Variants in LAMA2 observed in about 807,000 individuals in gnomAD.
LAMA2 encodes laminin subunit alpha 2.
In LAMA2, 269 loss-of-function variants were observed where a neutral mutation model predicts 364.8. That is an observed-to-expected ratio of 0.74 (90% CI 0.67 to 0.82). The LOEUF is 0.82. Among genes scored for constraint, LAMA2 ranks in the 40% least tolerant of loss-of-function variants. LAMA2 has a pLI of 0.00. For missense variants in LAMA2, 3,807 were observed against 3,873.2 expected (o/e 0.98, Z 0.45); for synonymous variants, 1,379 against 1,370.6 (o/e 1.01, Z -0.14).
At chr6:129,041,258 C>G (rs78449153) in intron 1 of LAMA2, among the ~76,000 whole-genome samples, 1,557 of 152,300 alleles carry the variant, frequency 0.01, 10 homozygotes, top group Non-Finnish European at 0.016. Flanking sequence ...TTCTCATTGA[C>G]TTGTGTAGTG....
At chr6:129,283,243 A>G (rs1368960074) in intron 18 of LAMA2, among the ~76,000 whole-genome samples, 11 of 152,162 alleles carry the variant, frequency 7.2e-5, no homozygotes, top group African/African-American at 2.4e-4. Context: ...TAACAAAGAG[A>G]CAGAATCTTG....
chr6:129,065,473 T>C (rs1185721107), intron 3 of LAMA2, among the ~76,000 whole-genome samples: 1 of 152,160 alleles, frequency 6.6e-6, no homozygotes, highest in African/African-American at 2.4e-5. Flanking sequence ...AAAGTGTCTC[T>C]TTTTGCAGAT....
intron 22 of LAMA2, among the ~76,000 whole-genome samples, chr6:129,311,442 C>T (rs1375244221): frequency 1.3e-5 from 2 of 152,140 alleles, no homozygotes; most frequent in Non-Finnish European, 2.9e-5. Context: ...CAGAACTCAG[C>T]TTGGAAGTGT....
chr6:129,379,751 T>C (rs9483022), intron 34 of LAMA2, among the ~76,000 whole-genome samples: 3,357 of 152,260 alleles, frequency 0.022, 125 homozygotes, highest in African/African-American at 0.077. Context: ...GCCTGGCTCT[T>C]CTCCCAAGCT....
chr6:128,998,606 G>A (rs1311497564), intron 1 of LAMA2, among the ~76,000 whole-genome samples: 5 of 16,982 alleles, frequency 2.9e-4, no homozygotes, highest in Non-Finnish European at 1.6e-4. Flanking sequence ...GGGTCAGGGA[G>A]TTCCCTTTCC....
intron 3 of LAMA2, among the ~76,000 whole-genome samples, chr6:129,096,973 A>G (rs909634137): frequency 6.6e-6 from 1 of 152,196 alleles, no homozygotes; most frequent in African/African-American, 2.4e-5. Context: ...ATGAGTTACC[A>G]TGTCAAAACT....
chr6:129,332,772 T>G (rs572279121), intron 29 of LAMA2, among the ~76,000 whole-genome samples: 7 of 152,338 alleles, frequency 4.6e-5, no homozygotes, highest in Admixed American at 4.6e-4. Flanking sequence ...CTGGTCATTA[T>G]TGGTAAACCT....
At chr6:129,440,271 T>C (rs1024521513) in intron 42 of LAMA2, among the ~76,000 whole-genome samples, 4 of 148,676 alleles carry the variant, frequency 2.7e-5, no homozygotes, top group Non-Finnish European at 4.5e-5. Flanking sequence ...GTTTTTACTT[T>C]TTTAACGTTT....
At chr6:129,333,174 G>A (rs1208842313) in intron 29 of LAMA2, among the ~76,000 whole-genome samples, 2 of 152,082 alleles carry the variant, frequency 1.3e-5, no homozygotes, top group Non-Finnish European at 2.9e-5. Context: ...TTACAGGCAT[G>A]AACCACCAAA....
Position 129,342,368 on chromosome 6 carries a change from A to T in LAMA2, c.4337A>T (p.Asp1446Val), listed in dbSNP as rs1776316302. Residue 1446 changes from aspartate to valine, a missense_variant, in exon 30 of 65, where the codon GAC (aspartate) becomes GTC (valine). Around this residue, in one of 3 missense-constraint regions of LAMA2, gnomAD observed 3,333 missense variants for 3,345.7 expected, o/e 1.00. Transcript: ENST00000421865. Reference sequence around the variant, plus strand: ...AATTGTCAACATCACACTGCTGGTGACTTCTGTGAACGATGTGCTCTTGGA... The same window carrying T: ...AATTGTCAACATCACACTGCTGGTGTCTTCTGTGAACGATGTGCTCTTGGA... The part of the protein sequence containing the change: ...CQNCQHHTAG[D>V]FCERCALGYY... The T allele has an allele frequency of 6.2e-7, 1 of 1,613,228 alleles. No individual in the cohort carries two copies. The highest frequency in any genetic ancestry group is 1.3e-5 in the African/African-American group (1 of 74,878).
At chr6:129,500,517 G>A (rs922013839) in intron 58 of LAMA2, among the ~76,000 whole-genome samples, 1 of 152,282 alleles carries the variant, frequency 6.6e-6, no homozygotes, top group African/African-American at 2.4e-5. Flanking sequence ...TTGCAGAAAC[G>A]GAGGATCTAA....
intron 1 of LAMA2, among the ~76,000 whole-genome samples, chr6:128,946,845 T>C (rs924265313): frequency 6.6e-6 from 1 of 152,252 alleles, no homozygotes; most frequent in African/African-American, 2.4e-5. Context: ...TTGATGATTC[T>C]CTGCTAACAT....
At chr6:129,138,088 A>G (rs1166829784) in intron 4 of LAMA2, among the ~76,000 whole-genome samples, 2 of 152,074 alleles carry the variant, frequency 1.3e-5, no homozygotes, top group Non-Finnish European at 2.9e-5. Context: ...GGGCCTAAAG[A>G]TAAGATAGAC....
intron 1 of LAMA2, among the ~76,000 whole-genome samples, chr6:129,027,735 T>C (rs916478031): frequency 4.6e-5 from 7 of 151,758 alleles, no homozygotes; most frequent in Non-Finnish European, 1.0e-4. Context: ...AGGAAAGCAA[T>C]TGAACACTAC....
At chr6:129,245,485 A>C (rs1785688887) in intron 12 of LAMA2, among the ~76,000 whole-genome samples, 1 of 152,210 alleles carries the variant, frequency 6.6e-6, no homozygotes. Context: ...CTAATTTGAA[A>C]GTCTCAAAGA....
At chr6:129,486,346 A>AAAAT (rs1468378913) in intron 55 of LAMA2, 128 bp from the exon 56 acceptor site, 1 of 891,172 alleles carries the variant, frequency 1.1e-6, no homozygotes, top group African/African-American at 1.7e-5. Flanking sequence ...ACCGTTTGAG[A>AAAAT]AAATAAAGTC....
intron 12 of LAMA2, among the ~76,000 whole-genome samples, chr6:129,248,291 G>A (rs1785915134): frequency 6.6e-6 from 1 of 152,116 alleles, no homozygotes; most frequent in South Asian, 2.1e-4. Context: ...AAAAAGGTGG[G>A]GAGTGCTGCA....
Position 129,445,679 on chromosome 6 carries a change from A to T in LAMA2, c.6287A>T (p.Asp2096Val). The change falls in exon 45 of 65, where the codon GAT becomes GTT. Residue 2096 changes from aspartate to valine, a missense_variant. This residue lies in a region of LAMA2 where 3,333 missense variants were observed against 3,345.7 expected (regional missense o/e 1.00). Coordinates refer to ENST00000421865, the MANE Select transcript of LAMA2 (RefSeq NM_000426.4). ...PSKNKIIADA[D>V]ATVKNLEQEA... ...TTGTTCTATGCAGTTGCCGATGCAG[A>T]TGCCACTGTCAAAAATTTAGAACAG... The T allele has an allele frequency of 1.2e-6, 2 of 1,614,002 alleles. No homozygotes were observed. The highest frequency in any genetic ancestry group is 4.5e-5 in the East Asian group (2 of 44,850).
At chr6:129,238,092 G>C (rs1785120845) in intron 12 of LAMA2, among the ~76,000 whole-genome samples, 1 of 150,446 alleles carries the variant, frequency 6.6e-6, no homozygotes, top group African/African-American at 2.4e-5. Context: ...TTAATTGCTT[G>C]AACCTGGGAG....
Sources: allele counts gnomAD v4.1 joint callset (sites outside exome capture counted in the v4.1 genomes callset), GRCh38; gene constraint gnomAD v4.1.1; regional missense constraint gnomAD v4.1.1; transcripts MANE v1.5; gene names NCBI Gene and HGNC (gene_info 2026-07-23, HGNC 2026-07-21).